SUPT20H: variants seen among roughly 807,000 people sequenced by gnomAD.
SUPT20H encodes the protein SPT20 homolog, SAGA complex component.
Under a neutral mutation model 122.8 loss-of-function variants are expected in SUPT20H, and 82 were observed. That is an observed-to-expected ratio of 0.67 (90% CI 0.56 to 0.80). SUPT20H has a LOEUF of 0.80. Among genes scored for constraint, SUPT20H ranks in the 30% least tolerant of loss-of-function variants. The probability of loss-of-function intolerance (pLI) is 0.00; values close to 1 mark genes in which losing one functional copy is unlikely to be tolerated. For synonymous variants in SUPT20H, 291 were observed against 313.0 expected, an observed-to-expected ratio of 0.93 and a Z score of 0.74; for missense variants, 831 against 921.6, an observed-to-expected ratio of 0.90 and a Z score of 1.27.
At chr13:37,048,205 T>C (rs1214231211) in intron 3 of SUPT20H, among the ~76,000 whole-genome samples, 4 of 152,180 alleles carry the variant, frequency 2.6e-5, no homozygotes. Context: ...ATATTATCAA[T>C]ATATTTTATG....
chr13:37,048,395 G>A (rs937653903), intron 3 of SUPT20H, among the ~76,000 whole-genome samples, 169 bp downstream of exon 3: 9 of 152,082 alleles, frequency 5.9e-5, no homozygotes, highest in Admixed American at 2.0e-4. Flanking sequence ...AGTAACAGGT[G>A]ATCCAAATAT....
intron 22 of SUPT20H, among the ~76,000 whole-genome samples, chr13:37,017,809 AAC>A (rs1219181879): frequency 2.0e-5 from 3 of 152,240 alleles, no homozygotes; most frequent in Admixed American, 1.3e-4. Context: ...TCTTTTGTAT[AAC>A]ACAGTGAGGA....
Position 37,059,111 on chromosome 13 carries a change from A to ACGCGTTGCTATCAATTCTG in SUPT20H, c.-94+447_-94+448insCAGAATTGATAGCAACGCG, listed in dbSNP as rs1287849370. On this transcript the variant is annotated intron_variant, in intron 1 of 25. Transcript: ENST00000350612. The stretch of plus-strand genomic sequence containing the variant: ...AATTCTAAGCGTTGCTATCAATTCT[A>ACGCGTTGCTATCAATTCTG]CGCGTTGCTATCAATTCTACTGATT... The ACGCGTTGCTATCAATTCTG allele has an allele frequency of 4.6e-5, 7 of 152,266 alleles. No homozygotes were observed. In the East Asian group the frequency reaches 1.4e-3, roughly 29 times the overall value. 9.4% of individuals were successfully genotyped at this position (152,266 alleles called of 1,614,324 possible).
At chr13:37,024,899 A>G (rs2061965592) in intron 17 of SUPT20H, 1 of 172,146 alleles carries the variant, frequency 5.8e-6, no homozygotes, top group African/African-American at 2.4e-5. Flanking sequence ...AAAAAAGGTA[A>G]AAGTAGAAAC....
At chr13:37,032,256 G>A (rs564015943) in intron 10 of SUPT20H, among the ~76,000 whole-genome samples, 16 of 152,144 alleles carry the variant, frequency 1.1e-4, no homozygotes, top group Admixed American at 2.6e-4. Flanking sequence ...GAGGAAAAGA[G>A]TCTGAAAAAA....
chr13:37,025,352 G>C lies in SUPT20H; in HGVS notation c.1297C>G (p.Leu433Val). 1 of 1,613,878 alleles carries C rather than the reference G, an allele frequency of 6.2e-7. No homozygotes were observed. The highest frequency in any genetic ancestry group is 1.1e-5 in the South Asian group (1 of 91,072). The stretch of plus-strand genomic sequence containing the variant: ...TCTTTCCCTGGAGAAACCTGACTCA[G>C]ACTGGCTGAGCCACTGGAGCTGTGT... ...MSHSSSGSASLSQVSPGKETD... is the reference protein window; with the variant it reads ...MSHSSSGSASVSQVSPGKETD... Residue 433 changes from leucine (L) to valine (V), a missense_variant, in exon 17 of 26, where the codon CTG (leucine) becomes GTG (valine). Transcript: ENST00000350612.
intron 23 of SUPT20H, 51 bp downstream of exon 23, chr13:37,017,194 A>G (rs1165976470): frequency 6.2e-7 from 1 of 1,612,816 alleles, no homozygotes; most frequent in South Asian, 1.1e-5. Context: ...ATATACCAAA[A>G]AATGTTATAA....
chr13:37,028,364 T>C, intron 13 of SUPT20H, 59 bp from the exon 14 acceptor site: 3 of 1,492,100 alleles, frequency 2.0e-6, no homozygotes, highest in Non-Finnish European at 2.7e-6. Flanking sequence ...CAATAAGAAT[T>C]AGTAAAAATC....
chr13:37,030,473 A>C (rs894366140), intron 12 of SUPT20H, among the ~76,000 whole-genome samples: 1 of 152,186 alleles, frequency 6.6e-6, no homozygotes, highest in Non-Finnish European at 1.5e-5. Context: ...ATCCTAAGTA[A>C]GTAGATTTTG....
In SUPT20H at chr13:37,022,419, GTTT is replaced by G. The variant is rs376535732; in HGVS notation, c.1592-342_1592-340del. Reference sequence around the variant, plus strand: ...TACTTAGCACTGACAATTTGTTCTAGTTTTTTTTTTTTTAGCAGTTAACTGCAA... The same window carrying G: ...TACTTAGCACTGACAATTTGTTCTAGTTTTTTTTTTAGCAGTTAACTGCAA... On this transcript the variant is annotated intron_variant, in intron 19 of 25. Transcript: ENST00000350612. This position sits in a 1 kb window ranked among gnomAD's most constrained non-coding sequence, Gnocchi z 4.5. The G allele has an allele frequency of 1.7e-6, 2 of 1,156,656 alleles. No homozygotes were observed. Among genetic ancestry groups the G allele is most frequent in the Admixed American group, 4.1e-5 (1 of 24,352 alleles). The allele number at this position is 1,156,656 out of a possible 1,614,324, so 71.6% of individuals were successfully genotyped here. A position where few individuals can be genotyped will look rare whatever the true frequency, so the allele number is the denominator to read the frequency against.
chr13:37,055,106 G>T lies in SUPT20H; in HGVS notation c.-93-3523C>A, dbSNP rs963137543. ...AGGAGAACTACAAACCACTGCTCAAGGAAATAAAAGAGGATACAAACAAAT... is the reference window on the plus strand; with the variant it reads ...AGGAGAACTACAAACCACTGCTCAATGAAATAAAAGAGGATACAAACAAAT... On this transcript the variant is annotated intron_variant, in intron 1 of 25. Coordinates refer to ENST00000350612, the MANE Select transcript of SUPT20H (RefSeq NM_001014286.3). Among the ~76,000 whole-genome samples, 6 of 152,052 alleles carry T rather than the reference G, an allele frequency of 3.9e-5. No individual in the cohort carries two copies. In the East Asian group the frequency reaches 5.8e-4, roughly 15 times the overall value.
chr13:37,029,123 T>C (rs937021005), intron 13 of SUPT20H, among the ~76,000 whole-genome samples: 1 of 152,122 alleles, frequency 6.6e-6, no homozygotes, highest in Non-Finnish European at 1.5e-5. Flanking sequence ...GGAAAACTTA[T>C]AAAGAACACT....
intron 23 of SUPT20H, among the ~76,000 whole-genome samples, chr13:37,014,907 A>G (rs1370539840): frequency 6.6e-6 from 1 of 152,180 alleles, no homozygotes; most frequent in East Asian, 1.9e-4. Flanking sequence ...AATATTAGAC[A>G]AGCATTCAGG....
In SUPT20H at chr13:37,045,304, T is replaced by C. The variant is rs769958674; in HGVS notation, c.235A>G (p.Asn79Asp). 16 of 1,613,828 alleles carry C rather than the reference T, an allele frequency of 9.9e-6. No individual in the cohort carries two copies. Among genetic ancestry groups the C allele is most frequent in the Non-Finnish European group, 1.2e-5 (14 of 1,179,800 alleles). Residue 79 changes from asparagine to aspartate, a missense_variant, in exon 6 of 26, where the codon AAT becomes GAT. Coordinates refer to ENST00000350612, the MANE Select transcript of SUPT20H (RefSeq NM_001014286.3). ...MQETLSCLVV[N>D]LYPGNEGYSL... ...TATCCCTCATTTCCTGGGTATAGAT[T>C]GACCACTAAACATGACAAAGTCTCT...
intron 2 of SUPT20H, among the ~76,000 whole-genome samples, chr13:37,051,209 C>T (rs1303148275): frequency 6.6e-6 from 1 of 152,108 alleles, no homozygotes; most frequent in Non-Finnish European, 1.5e-5. Context: ...TCCTTGCCAA[C>T]GATTTGGAAT....
chr13:37,030,112 C>T (rs1237632473), intron 12 of SUPT20H, among the ~76,000 whole-genome samples: 5 of 151,988 alleles, frequency 3.3e-5, no homozygotes, highest in Non-Finnish European at 7.4e-5. Flanking sequence ...TTTTTTTGTC[C>T]ATAAGCTGAT....
At chr13:37,048,625 G>T in intron 2 of SUPT20H, 26 bp from the exon 3 acceptor site, 1 of 1,580,662 alleles carries the variant, frequency 6.3e-7, no homozygotes. Flanking sequence ...AGTATATTTG[G>T]TAATATTAGT....
chr13:37,025,488 C>T (rs1392280533), intron 16 of SUPT20H, 51 bp from the exon 17 acceptor site: 6 of 1,253,958 alleles, frequency 4.8e-6, no homozygotes, highest in Non-Finnish European at 6.8e-6. Context: ...GTTTTAAACA[C>T]AAATTTATTT....
intron 21 of SUPT20H, 73 bp downstream of exon 21, chr13:37,021,375 C>T (rs1013880211): frequency 1.9e-5 from 26 of 1,403,246 alleles, no homozygotes; most frequent in Non-Finnish European, 2.5e-5. Context: ...TTTAGCATTA[C>T]TCTTAAAATT....
Sources: gnomAD v4.1 joint callset for allele counts (sites outside exome capture counted in the v4.1 genomes callset) on GRCh38, gnomAD v4.1.1 for gene constraint, Gnocchi (gnomAD v3.1) non-coding constraint, MANE v1.5 for transcripts, NCBI Gene and HGNC (gene_info 2026-07-23, HGNC 2026-07-21) for gene names.